Variants in WLS observed in about 807,000 individuals in gnomAD.
The protein encoded by WLS is Wnt ligand secretion mediator, also known as protein wntless homolog.
Under a neutral mutation model 62.8 loss-of-function variants are expected in WLS, and 23 were observed. That is an observed-to-expected ratio of 0.37 (90% CI 0.26 to 0.52). The LOEUF is 0.52. Ranked by LOEUF, WLS falls within the 20% of genes least tolerant of loss-of-function variation. WLS has a pLI of 0.92. For synonymous variants in WLS, 246 were observed against 244.1 expected, an observed-to-expected ratio of 1.01 and a Z score of -0.07; for missense variants, 615 against 697.3, an observed-to-expected ratio of 0.88 and a Z score of 1.33.
chr1:68,105,531 A>T (rs1181472244), intron 11 of WLS, among the ~76,000 whole-genome samples: 1 of 152,204 alleles, frequency 6.6e-6, no homozygotes, highest in Non-Finnish European at 1.5e-5. Context: ...AAAATTCCAA[A>T]CTATGAAACA....
rs570672582 is a variant in WLS, at chr1:68,221,782, C to T, written c.106+10412G>A. ...GATGGTGCAGAAAAACATAGTGCTT[C>T]GTGACTCTGCTCAGTTTCAACAAAA... On this transcript the variant is annotated intron_variant, in intron 1 of 11. Coordinates refer to ENST00000262348, the MANE Select transcript of WLS (RefSeq NM_024911.7). 1.8e-4 allele frequency among the ~76,000 whole-genome samples: 28 copies of T among 152,230 alleles called. No homozygotes were observed. The South Asian group carries it at 4.6e-3, about 25-fold the overall frequency.
At chr1:68,177,714 G>A (rs527595894) in intron 2 of WLS, among the ~76,000 whole-genome samples, 10 of 151,994 alleles carry the variant, frequency 6.6e-5, no homozygotes, top group East Asian at 3.9e-4. Context: ...GGCTGGTCTC[G>A]AACTCCTGGG....
chr1:68,161,646 T>C (rs1203228197), intron 2 of WLS: 26 of 861,198 alleles, frequency 3.0e-5, no homozygotes, highest in Non-Finnish European at 4.6e-5. Flanking sequence ...GATGCATAAG[T>C]CCAGAATCAG....
intron 11 of WLS, among the ~76,000 whole-genome samples, chr1:68,115,967 C>T (rs572324432): frequency 6.6e-6 from 1 of 152,220 alleles, no homozygotes; most frequent in Non-Finnish European, 1.5e-5. Flanking sequence ...GGCTGGCAAG[C>T]TCTGCACCTC....
intron 2 of WLS, chr1:68,183,748 T>C (rs1647734298): frequency 5.0e-6 from 1 of 199,462 alleles, no homozygotes; most frequent in Non-Finnish European, 1.1e-5. Context: ...AAAAGCACAA[T>C]TACTCTGCCA....
chr1:68,109,059 T>C (rs542369305), intron 11 of WLS, among the ~76,000 whole-genome samples: 203 of 152,366 alleles, frequency 1.3e-3, no homozygotes, highest in African/African-American at 4.7e-3. Flanking sequence ...AGAAGTTATG[T>C]ACCACTTATG....
chr1:68,191,906 C>T (rs1191313417), intron 2 of WLS, among the ~76,000 whole-genome samples: 4 of 152,126 alleles, frequency 2.6e-5, no homozygotes, highest in African/African-American at 4.8e-5. Flanking sequence ...CAACTCTCCC[C>T]GCCAACACAC....
intron 1 of WLS, among the ~76,000 whole-genome samples, chr1:68,218,256 T>G (rs1649814389): frequency 6.6e-6 from 1 of 152,172 alleles, no homozygotes; most frequent in African/African-American, 2.4e-5. Context: ...TCTTTTTTCT[T>G]TGTTTTTAAT....
intron 11 of WLS, among the ~76,000 whole-genome samples, chr1:68,119,259 T>C (rs1161111335): frequency 3.9e-5 from 6 of 152,260 alleles, no homozygotes; most frequent in South Asian, 2.1e-4. Context: ...TCTTAATGTA[T>C]ATAAATCTAC....
chr1:68,180,606 T>G (rs918084692), intron 2 of WLS, among the ~76,000 whole-genome samples: 2 of 152,212 alleles, frequency 1.3e-5, no homozygotes, highest in Non-Finnish European at 2.9e-5. Flanking sequence ...GTGCCTGCTC[T>G]TTTGACCTCC....
At chr1:68,122,462 A>G (rs1224495701), downstream of WLS, among the ~76,000 whole-genome samples, 1 of 152,258 alleles carries the variant, frequency 6.6e-6, no homozygotes, top group Non-Finnish European at 1.5e-5. Context: ...AACAATACAT[A>G]GTGAAAATCC....
At chr1:68,111,971 C>T (rs886745082) in intron 11 of WLS, among the ~76,000 whole-genome samples, 3 of 152,246 alleles carry the variant, frequency 2.0e-5, no homozygotes, top group Non-Finnish European at 4.4e-5. Flanking sequence ...ACCGTGCATG[C>T]AGTGCTTTAT....
intron 5 of WLS, among the ~76,000 whole-genome samples, chr1:68,151,872 A>G (rs531664367): frequency 6.6e-6 from 1 of 152,262 alleles, no homozygotes; most frequent in South Asian, 2.1e-4. Context: ...TAACACTTGA[A>G]AGGGGGCACT....
intron 1 of WLS, among the ~76,000 whole-genome samples, chr1:68,205,062 C>A (rs571960298): frequency 6.6e-6 from 1 of 152,274 alleles, no homozygotes; most frequent in Admixed American, 6.5e-5. Context: ...TTATCAAATG[C>A]CTACTAAGCA....
In WLS at chr1:68,145,849, G is replaced by A. The variant is rs371889535; in HGVS notation, c.1278+20C>T. On this transcript the variant is annotated intron_variant, in intron 9 of 11. Coordinates refer to ENST00000262348, the MANE Select transcript of WLS (RefSeq NM_024911.7). ...ATCAAGCAAGCACCAGTTCCAGAAC[G>A]AGCCAAGAAATCTGCCCACCTCATA... 3.7e-6 allele frequency: 6 copies of A among 1,613,762 alleles called. No homozygotes were observed. The highest frequency in any genetic ancestry group is 1.7e-5 in the Admixed American group (1 of 59,976).
chr1:68,107,752 T>G (rs1646167261), intron 11 of WLS, among the ~76,000 whole-genome samples: 1 of 152,202 alleles, frequency 6.6e-6, no homozygotes, highest in South Asian at 2.1e-4. Flanking sequence ...GGCTATTTTT[T>G]TATTACCCAC....
chr1:68,108,461 C>T (rs1646176944), intron 11 of WLS, among the ~76,000 whole-genome samples: 1 of 152,164 alleles, frequency 6.6e-6, no homozygotes, highest in Non-Finnish European at 1.5e-5. Context: ...TCCCTCCCAC[C>T]TCTAAGGCAG....
downstream of WLS, among the ~76,000 whole-genome samples, chr1:68,121,716 C>G (rs1646365879): frequency 6.6e-6 from 1 of 152,198 alleles, no homozygotes; most frequent in South Asian, 2.1e-4. Flanking sequence ...ACCAACTGCA[C>G]TGACATCCTG....
chr1:68,131,166 C>T (rs1334474139), intron 11 of WLS, among the ~76,000 whole-genome samples: 1 of 150,976 alleles, frequency 6.6e-6, no homozygotes, highest in Non-Finnish European at 1.5e-5. Flanking sequence ...CTGCCTTGGA[C>T]TCCCAAAGTG....
Sources: allele counts gnomAD v4.1 joint callset (sites outside exome capture counted in the v4.1 genomes callset), GRCh38; gene constraint gnomAD v4.1.1; transcripts MANE v1.5; gene names NCBI Gene and HGNC (gene_info 2026-07-23, HGNC 2026-07-21).